The following ANKRD11 variants were observed in gnomAD, a reference collection of about 807,000 sequenced individuals.
ANKRD11 encodes ankyrin repeat domain-containing protein 11.
A neutral mutation model predicts 195.7 loss-of-function variants in ANKRD11; 17 were observed. The observed-to-expected ratio is 0.09, with a 90% confidence interval of 0.06 to 0.13. The LOEUF (loss-of-function observed/expected upper bound fraction) is 0.13, where lower values mean the gene tolerates loss of function less well. Among genes scored for constraint, ANKRD11 ranks in the 10% least tolerant of loss-of-function variants. The pLI, the probability that ANKRD11 is intolerant of heterozygous loss-of-function variation, is 1.00. For missense variants in ANKRD11, 3,735 were observed against 3,566.1 expected (o/e 1.05, Z -1.21); for synonymous variants, 1,953 against 1,528.1 (o/e 1.28, Z -6.49).
At chr16:89,449,441 C>T (rs768331021) in intron 1 of ANKRD11, among the ~76,000 whole-genome samples, 17 of 152,056 alleles carry the variant, frequency 1.1e-4, no homozygotes, top group South Asian at 2.1e-4. Flanking sequence ...TCTGGAAATG[C>T]GTTATTTTTT....
At chr16:89,310,117 G>A (rs182016544) in intron 3 of ANKRD11, among the ~76,000 whole-genome samples, 3 of 152,246 alleles carry the variant, frequency 2.0e-5, no homozygotes, top group South Asian at 2.1e-4. Context: ...AATGAGAGTC[G>A]TGTTGTCCAC....
intron 2 of ANKRD11, among the ~76,000 whole-genome samples, chr16:89,395,238 G>A (rs943386297): frequency 6.6e-6 from 1 of 152,236 alleles, no homozygotes; most frequent in Non-Finnish European, 1.5e-5. Context: ...TGCAAGCCAA[G>A]TAAACTGGCT....
rs2042196416 is a variant in ANKRD11, at chr16:89,413,932, C to A, written c.-60+4352G>T. ...CAGCCCTTCCCCTCCCCACCTCCAA[C>A]CTGGCCACCCAGACAGGGACCCCAG... On this transcript the variant is annotated intron_variant, in intron 2 of 12. Transcript: ENST00000301030. Among the ~76,000 whole-genome samples, 3 of 152,164 alleles carry A rather than the reference C, an allele frequency of 2.0e-5. No homozygotes were observed. In the South Asian group the frequency reaches 6.2e-4, roughly 32 times the overall value.
chr16:89,405,400 C>T (rs1262324289), intron 2 of ANKRD11, among the ~76,000 whole-genome samples: 2 of 151,836 alleles, frequency 1.3e-5, no homozygotes, highest in Non-Finnish European at 2.9e-5. Flanking sequence ...ATGAGCTCAC[C>T]GTAGCCTCGA....
At chr16:89,461,665 T>G (rs1567837942) in intron 1 of ANKRD11, among the ~76,000 whole-genome samples, 1 of 152,152 alleles carries the variant, frequency 6.6e-6, no homozygotes, top group African/African-American at 2.4e-5. Flanking sequence ...TAATACCGAT[T>G]TACTAAACAA....
intron 3 of ANKRD11, among the ~76,000 whole-genome samples, chr16:89,316,713 T>C (rs1312810017): frequency 1.3e-5 from 2 of 152,208 alleles, no homozygotes; most frequent in African/African-American, 2.4e-5. Context: ...AAAGCTATTA[T>C]TTAACGCTTG....
intron 11 of ANKRD11, among the ~76,000 whole-genome samples, chr16:89,274,508 A>T (rs2033468770): frequency 6.6e-6 from 1 of 152,110 alleles, no homozygotes; most frequent in East Asian, 1.9e-4. Context: ...CACCCGTGAG[A>T]GGTAGGTAGG....
At chr16:89,312,478 G>A (rs1344931690) in intron 3 of ANKRD11, among the ~76,000 whole-genome samples, 2 of 152,252 alleles carry the variant, frequency 1.3e-5, no homozygotes, top group East Asian at 1.9e-4. Context: ...AATGGTAGGA[G>A]CTGGCGGGCC....
At position 89,280,859 on chromosome 16, in the gene ANKRD11, T is replaced by C; in HGVS notation, c.5683A>G (p.Arg1895Gly). The C allele has an allele frequency of 6.2e-7, 1 of 1,604,776 alleles. No homozygotes were observed. Among genetic ancestry groups the C allele is most frequent in the Non-Finnish European group, 8.5e-7 (1 of 1,173,052 alleles). The change falls in exon 9 of 13, where the codon AGA (arginine) becomes GGA (glycine). Residue 1895 changes from arginine to glycine, a missense_variant. Physicochemically the swap from Arg to Gly is moderately radical, Grantham distance 125 (BLOSUM62 -2). Transcript: ENST00000301030. ...AGGGAAGGAACCAGCAGCTCGGCTC[T>C]GGGGGAAGGGGAAGGTTTTGCTTGT... ...SLQAKPSPSP[R>G]AELLVPSLEG...
At chr16:89,381,539 A>G (rs564155618) in intron 2 of ANKRD11, among the ~76,000 whole-genome samples, 28 of 152,328 alleles carry the variant, frequency 1.8e-4, no homozygotes, top group Middle Eastern at 6.8e-3. Flanking sequence ...TTTATAAAAC[A>G]TGCACTATGA....
intron 2 of ANKRD11, among the ~76,000 whole-genome samples, chr16:89,341,615 A>C (rs1185443036): frequency 6.6e-6 from 1 of 152,156 alleles, no homozygotes; most frequent in East Asian, 1.9e-4. Flanking sequence ...CTCCCACCCC[A>C]TCCAGCCCAT....
chr16:89,300,751 AC>A (rs1429731001), intron 4 of ANKRD11: 1 of 598,654 alleles, frequency 1.7e-6, no homozygotes, highest in African/African-American at 1.9e-5. Context: ...CGCTGAAGGA[AC>A]CAGCATGTGC....
At position 89,470,080 on chromosome 16, in the gene ANKRD11, G is replaced by A. The variant is rs186985345; in HGVS notation, c.-145+20165C>T. Among the ~76,000 whole-genome samples the A allele has an allele frequency of 3.8e-3, 569 of 151,126 alleles. 2 individuals are homozygous for A. The highest frequency in any genetic ancestry group is 0.013 in the African/African-American group (540 of 41,150). On this transcript the variant is annotated intron_variant, in intron 1 of 12. Coordinates refer to ENST00000301030, the MANE Select transcript of ANKRD11 (RefSeq NM_013275.6). ...GCCACCACGCCCGGCTAATTTTTTT[G>A]TATTTTTAGTAGAGACGGGGTTTCA...
At chr16:89,458,282 T>C (rs1274465489) in intron 1 of ANKRD11, among the ~76,000 whole-genome samples, 1 of 152,056 alleles carries the variant, frequency 6.6e-6, no homozygotes, top group African/African-American at 2.4e-5. Flanking sequence ...TGGAGTGCAG[T>C]GGCGCGATCT....
chr16:89,389,617 CAGA>C (rs1226482990), intron 2 of ANKRD11, among the ~76,000 whole-genome samples: 2 of 152,194 alleles, frequency 1.3e-5, no homozygotes, highest in Non-Finnish European at 2.9e-5. Context: ...GTGGGATTCA[CAGA>C]AGAACAGGCA....
intron 1 of ANKRD11, among the ~76,000 whole-genome samples, chr16:89,467,947 C>T (rs765734839): frequency 5.9e-5 from 9 of 151,866 alleles, no homozygotes; most frequent in African/African-American, 1.7e-4. Context: ...ACTACAGATG[C>T]GCACCACCAT....
At chr16:89,463,598 C>A (rs2056778376) in intron 1 of ANKRD11, among the ~76,000 whole-genome samples, 1 of 151,978 alleles carries the variant, frequency 6.6e-6, no homozygotes, top group South Asian at 2.1e-4. Context: ...TATTTGCTGA[C>A]CTTCCCTCCA....
rs756414317 is a variant in ANKRD11, at chr16:89,280,938, T to A, written c.5604A>T (p.Pro1868=). 2.4e-5 allele frequency: 38 copies of A among 1,589,268 alleles called. No individual in the cohort carries two copies. The highest frequency in any genetic ancestry group is 3.3e-5 in the Non-Finnish European group (38 of 1,164,808). ...GGGTGACAGTGACAACGGCAGCCGGTGGGCAGTGCAAAGCGTCGACTTTGG... is the reference window on the plus strand; with the variant it reads ...GGGTGACAGTGACAACGGCAGCCGGAGGGCAGTGCAAAGCGTCGACTTTGG... ...PSPKVDALHC[P]PAAVVTVTPS... Residue 1868 remains proline, a synonymous_variant, in exon 9 of 13, where the codon CCA becomes CCT. Transcript: ENST00000301030.
Position 89,280,332 on chromosome 16 carries a change from C to G in ANKRD11, c.6210G>C (p.Lys2070Asn). The change falls in exon 9 of 13, where the codon AAG becomes AAC. Residue 2070 changes from lysine (K) to asparagine (N), a missense_variant. By Grantham distance (94) the Lys-to-Asn change is moderately conservative. Transcript: ENST00000301030. ...SGLESFFSNCKSLPEAPLDVA... is the reference protein window; with the variant it reads ...SGLESFFSNCNSLPEAPLDVA... ...CGTCCAGCGGGGCTTCCGGAAGTGA[C>G]TTGCAGTTGCTGAAGAAGGACTCCA... 1.3e-6 allele frequency: 2 copies of G among 1,580,276 alleles called. No individual in the cohort carries two copies. The highest frequency in any genetic ancestry group is 1.7e-6 in the Non-Finnish European group (2 of 1,163,058).
Sources: allele counts gnomAD v4.1 joint callset (sites outside exome capture counted in the v4.1 genomes callset), GRCh38; gene constraint gnomAD v4.1.1; transcripts MANE v1.5; gene names NCBI Gene and HGNC (gene_info 2026-07-23, HGNC 2026-07-21).